Variants in DDX1 observed in about 807,000 individuals in gnomAD.
DDX1 encodes the protein DEAD-box helicase 1, also known as ATP-dependent RNA helicase DDX1.
DDX1 carries 28 observed loss-of-function variants against 108.7 expected under a neutral mutation model. The observed-to-expected ratio is 0.26, with a 90% CI of 0.19 to 0.35. DDX1 has a LOEUF of 0.35. DDX1 is among the 10% of genes least tolerant of loss of function. The pLI is 1.00. For missense variants in DDX1, 710 were observed against 884.5 expected (o/e 0.80, Z 2.50); for synonymous variants, 295 against 288.9 (o/e 1.02, Z -0.21).
Position 15,628,719 on chromosome 2 carries a change from G to A in DDX1, c.1832+9G>A, listed in dbSNP as rs1408323022. 1 of 1,601,810 alleles carries A rather than the reference G, an allele frequency of 6.2e-7. No homozygotes were observed. On this transcript the variant is annotated intron_variant, in intron 22 of 25. Coordinates refer to ENST00000233084, the MANE Select transcript of DDX1 (RefSeq NM_004939.3). ...GTAGGAAGAGCTGAAAGGTACTTCT[G>A]CAATTTTTTTTCCCCCATTTTTAAG...
chr2:15,618,405 G>A (rs1665935433), intron 16 of DDX1, 135 bp downstream of exon 16: 1 of 574,872 alleles, frequency 1.7e-6, no homozygotes, highest in Non-Finnish European at 3.2e-6. Flanking sequence ...GTTTTGCTCA[G>A]TTCCACCCAC....
At chr2:15,619,938 T>G (rs1449710867) in intron 16 of DDX1, among the ~76,000 whole-genome samples, 1 of 152,112 alleles carries the variant, frequency 6.6e-6, no homozygotes, top group Non-Finnish European at 1.5e-5. Context: ...TAATACAGGA[T>G]TTTTGGCTTA....
At chr2:15,607,453 A>G (rs1665682552) in intron 13 of DDX1, 140 bp downstream of exon 13, 2 of 609,182 alleles carry the variant, frequency 3.3e-6, no homozygotes, top group Non-Finnish European at 2.6e-6. Flanking sequence ...ATATACTTTA[A>G]TAATTTCCAT....
rs778903513 is a variant in DDX1, at chr2:15,628,425, C to T, written c.1687-20C>T. 1.3e-6 allele frequency: 2 copies of T among 1,580,940 alleles called. No homozygotes were observed. The highest frequency in any genetic ancestry group is 1.7e-6 in the Non-Finnish European group (2 of 1,151,222). On this transcript the variant is annotated intron_variant, in intron 20 of 25. Transcript: ENST00000233084. ...TATATGTGCTAACAAACTCCTTTCT[C>T]TCTTCACTGTTCTCTTTAGAAAGGA... is the stretch of plus-strand genomic sequence containing the variant.
At chr2:15,606,600 T>C (rs1387551830) in intron 12 of DDX1, among the ~76,000 whole-genome samples, 1 of 152,250 alleles carries the variant, frequency 6.6e-6, no homozygotes, top group Non-Finnish European at 1.5e-5. Context: ...TTTCCCATTT[T>C]ACAGACAACC....
rs1256712682 is a variant in DDX1 at position 15,623,420 on chromosome 2, T to C, written c.1448-16T>C. On this transcript the variant is annotated splice_polypyrimidine_tract_variant and intron_variant, in intron 18 of 25. Coordinates refer to ENST00000233084, the MANE Select transcript of DDX1 (RefSeq NM_004939.3). ...TTGAAATTCTGTTGGTTTTTGTTGTTGTTATGATATTCAAGAGATGTGGTC... is the reference window on the plus strand; with the variant it reads ...TTGAAATTCTGTTGGTTTTTGTTGTCGTTATGATATTCAAGAGATGTGGTC... 6.2e-7 allele frequency: 1 copy of C among 1,612,196 alleles called. No homozygotes were observed. The highest frequency in any genetic ancestry group is 8.5e-7 in the Non-Finnish European group (1 of 1,179,014).
intron 14 of DDX1, among the ~76,000 whole-genome samples, chr2:15,614,535 TAACAGATGATTAGATCGC>T (rs1215979222): frequency 6.6e-6 from 1 of 152,200 alleles, no homozygotes; most frequent in Non-Finnish European, 1.5e-5. Context: ...CGGGGGCTTT[TAACAGATGATTAGATCGC>T]GAGGGCTTTG....
intron 23 of DDX1, among the ~76,000 whole-genome samples, chr2:15,629,298 G>A (rs1666153743): frequency 6.6e-6 from 1 of 152,004 alleles, no homozygotes; most frequent in Non-Finnish European, 1.5e-5. Flanking sequence ...ACTTTTTTAT[G>A]TTAATATTGA....
intron 23 of DDX1, 58 bp downstream of exon 23, chr2:15,628,897 A>G: frequency 6.6e-7 from 1 of 1,508,524 alleles, no homozygotes; most frequent in Admixed American, 1.7e-5. Flanking sequence ...TAGATGTTGG[A>G]AATAAAAGCA....
At chr2:15,618,671 G>T (rs958369139) in intron 16 of DDX1, among the ~76,000 whole-genome samples, 5 of 152,358 alleles carry the variant, frequency 3.3e-5, no homozygotes, top group East Asian at 1.9e-4. Flanking sequence ...CCGGGGACTA[G>T]CCCCCTTCCG....
chr2:15,625,435 C>T (rs1224064042), intron 19 of DDX1, among the ~76,000 whole-genome samples: 3 of 152,046 alleles, frequency 2.0e-5, no homozygotes, highest in Non-Finnish European at 4.4e-5. Context: ...ACAACTTTTA[C>T]CTCAAAAGAA....
chr2:15,602,087 A>G (rs753299642), intron 6 of DDX1, among the ~76,000 whole-genome samples: 1 of 152,256 alleles, frequency 6.6e-6, no homozygotes, highest in Non-Finnish European at 1.5e-5. Context: ...TTAGTTATAT[A>G]GTCACTCAAG....
rs1385838860 is a variant in DDX1, at chr2:15,620,241, G to A, written c.1240G>A (p.Asp414Asn). Reference sequence around the variant, plus strand: ...TTGCTCTGCCACTTTGCATTCTTTCGATGTAAAGAAACTGTCCGAGAAGAT... The same window carrying A: ...TTGCTCTGCCACTTTGCATTCTTTCAATGTAAAGAAACTGTCCGAGAAGAT... Reference protein sequence around the residue: ...IVCSATLHSFDVKKLSEKIMH... With the variant: ...IVCSATLHSFNVKKLSEKIMH... Residue 414 changes from aspartate (D) to asparagine (N), a missense_variant, in exon 17 of 26, where the codon GAT becomes AAT. By Grantham distance (23) the Asp-to-Asn change is conservative. Coordinates refer to ENST00000233084, the MANE Select transcript of DDX1 (RefSeq NM_004939.3). The A allele has an allele frequency of 8.7e-6, 14 of 1,613,810 alleles. No homozygotes were observed. The highest frequency in any genetic ancestry group is 1.3e-5 in the African/African-American group (1 of 74,990).
At chr2:15,628,355 G>T in intron 20 of DDX1, 90 bp from the exon 21 acceptor site, 1 of 949,258 alleles carries the variant, frequency 1.1e-6, no homozygotes, top group Non-Finnish European at 1.7e-6. Context: ...TGAGTTTTTA[G>T]AGGTCTCATT....
In DDX1 at chr2:15,631,074, C is replaced by T. The variant is rs1373561216; in HGVS notation, c.*168C>T. The stretch of plus-strand genomic sequence containing the variant: ...TTAGGAATTCTTCAAAAAATGGCAT[C>T]CCAATGAAAATAAATTTGATGACTA... On this transcript the variant is annotated 3_prime_UTR_variant, in exon 26 of 26. Transcript: ENST00000233084. 7 of 526,984 alleles carry T rather than the reference C, an allele frequency of 1.3e-5. No homozygotes were observed. Among genetic ancestry groups the T allele is most frequent in the African/African-American group, 1.9e-5 (1 of 52,272 alleles). The allele number at this position is 526,984 out of a possible 1,614,324, so 32.6% of individuals were successfully genotyped here.
intron 4 of DDX1, 84 bp downstream of exon 4, chr2:15,596,847 T>G (rs1421934561): frequency 1.5e-5 from 16 of 1,055,662 alleles, no homozygotes. Flanking sequence ...TTGAAATATT[T>G]AATAAAATAG....
chr2:15,630,922 AAT>A lies in DDX1; in HGVS notation c.*18_*19del. On this transcript the variant is annotated 3_prime_UTR_variant, in exon 26 of 26. Coordinates refer to ENST00000233084, the MANE Select transcript of DDX1 (RefSeq NM_004939.3). Reference sequence around the variant, plus strand: ...AACCTTCTGATTTTTACATTTACTGAATAAGATTTGAGTAATGAAAGTCTGTA... The same window carrying A: ...AACCTTCTGATTTTTACATTTACTGAAAGATTTGAGTAATGAAAGTCTGTA... 6.2e-7 allele frequency: 1 copy of A among 1,612,690 alleles called. No homozygotes were observed. Among genetic ancestry groups the A allele is most frequent in the Middle Eastern group, 1.7e-4 (1 of 6,060 alleles).
At position 15,593,589 on chromosome 2, in the gene DDX1, A is replaced by G. The variant is rs566730059; in HGVS notation, c.17-1556A>G. 5.9e-5 allele frequency among the ~76,000 whole-genome samples: 9 copies of G among 152,326 alleles called. No homozygotes were observed. The East Asian group carries it at 1.4e-3, about 23-fold the overall frequency. On this transcript the variant is annotated intron_variant, in intron 1 of 25. Coordinates refer to ENST00000233084, the MANE Select transcript of DDX1 (RefSeq NM_004939.3). ...ATGATATGTTGTTTCTTGTATAACA[A>G]TTTTGCAAAGAGCTTCAGCTTGCAG...
chr2:15,616,747 A>G (rs1197305475), intron 14 of DDX1, among the ~76,000 whole-genome samples: 1 of 152,152 alleles, frequency 6.6e-6, no homozygotes, highest in Non-Finnish European at 1.5e-5. Context: ...ATTAACTATA[A>G]CCAAATTTAT....
Sources: gnomAD v4.1 joint callset for allele counts (sites outside exome capture counted in the v4.1 genomes callset) on GRCh38, gnomAD v4.1.1 for gene constraint, MANE v1.5 for transcripts, NCBI Gene and HGNC (gene_info 2026-07-23, HGNC 2026-07-21) for gene names.